The following SEMA3B variants were observed in gnomAD, a reference collection of about 807,000 sequenced individuals.
SEMA3B encodes the protein semaphorin 3B, also known as semaphorin-3B.
Under a neutral mutation model 77.8 loss-of-function variants are expected in SEMA3B, and 71 were observed. That is an observed-to-expected ratio of 0.91 (90% CI 0.75 to 1.11). The LOEUF (loss-of-function observed/expected upper bound fraction) is 1.11, where lower values mean the gene tolerates loss of function less well. SEMA3B is among the 50% of genes most tolerant of loss of function. The pLI is 0.00. For missense variants in SEMA3B, 968 were observed against 1,056.8 expected, an observed-to-expected ratio of 0.92 and a Z score of 1.17; for synonymous variants, 470 against 452.9, an observed-to-expected ratio of 1.04 and a Z score of -0.48.
rs1329886353 is a variant in SEMA3B at position 50,273,285 on chromosome 3, C to G, written c.665-13C>G. The G allele has an allele frequency of 6.2e-7, 1 of 1,611,534 alleles. No individual in the cohort carries two copies. The highest frequency in any genetic ancestry group is 1.3e-5 in the African/African-American group (1 of 75,030). On this transcript the variant is annotated splice_polypyrimidine_tract_variant and intron_variant, in intron 6 of 16. Transcript: ENST00000616701. This position sits in a 1 kb window ranked among gnomAD's most constrained non-coding sequence, Gnocchi z 6.5. ...GCCAGGACCCGCTGACCCATGCCTC[C>G]TGCCGCGGTCAGAGCCCAAGTTTGT...
chr3:50,262,609 G>A (rs1010366435), upstream of SEMA3B: 1 of 152,242 alleles, frequency 6.6e-6, no homozygotes, highest in African/African-American at 2.4e-5. Context: ...CACGGTGATG[G>A]GCACTAATAT....
Position 50,276,624 on chromosome 3 carries a change from C to A in SEMA3B, c.2168C>A (p.Ser723Ter). Residue 723 changes from serine (S) to a stop codon, truncating the protein, a stop_gained, in exon 17 of 17, where the codon TCG (serine) becomes TAG (stop). Transcript: ENST00000616701. LOFTEE classifies it low-confidence loss of function (END_TRUNC). The surrounding 1 kb of genome is among the most constrained non-coding windows in gnomAD (Gnocchi z 5.8). ...GCGCTGCAGTCACTGCCCCTGGAGT[C>A]GCGGAGAAAGGGCCGTAACCGGAGG... ...QPALQSLPLE[S>*]RRKGRNRRTH... The A allele has an allele frequency of 6.3e-7, 1 of 1,592,472 alleles. No individual in the cohort carries two copies. Among genetic ancestry groups the A allele is most frequent in the South Asian group, 1.1e-5 (1 of 88,726 alleles).
Position 50,275,821 on chromosome 3 carries a change from G to C in SEMA3B, c.1822G>C (p.Ala608Pro). 6.2e-7 allele frequency: 1 copy of C among 1,607,558 alleles called. No homozygotes were observed. The highest frequency in any genetic ancestry group is 8.5e-7 in the Non-Finnish European group (1 of 1,178,744). Residue 608 changes from alanine (A) to proline (P), a missense_variant, in exon 16 of 17, where the codon GCA (alanine) becomes CCA (proline). Physicochemically the swap from Ala to Pro is conservative, Grantham distance 27 (BLOSUM62 -1). Transcript: ENST00000616701. The surrounding 1 kb of genome is among the most constrained non-coding windows in gnomAD (Gnocchi z 7.5). ...QARVEWTFQR[A>P]GVTAHTQVLA... ...GCGCGTGGAGTGGACTTTCCAGCGCGCAGGGGTGACAGCCCACACCCAGGT... is the reference window on the plus strand; with the variant it reads ...GCGCGTGGAGTGGACTTTCCAGCGCCCAGGGGTGACAGCCCACACCCAGGT...
Position 50,273,398 on chromosome 3 carries a change from G to A in SEMA3B, c.765G>A (p.Pro255=). The part of the protein sequence containing the change: ...FFRETAVEAA[P]ALGRLSVSRV... ...GTGAGACGGCGGTAGAGGCGGCGCC[G>A]GCACTGGGACGCCTGTCCGTGTCCC... Residue 255 remains proline (P), a synonymous_variant, in exon 7 of 17, where the codon CCG becomes CCA. Coordinates refer to ENST00000616701, the MANE Select transcript of SEMA3B (RefSeq NM_001290060.2). The surrounding 1 kb of genome is among the most constrained non-coding windows in gnomAD (Gnocchi z 6.5). 7 of 1,613,794 alleles carry A rather than the reference G, an allele frequency of 4.3e-6. No individual in the cohort carries two copies. The South Asian group carries it at 4.4e-5, about 10-fold the overall frequency.
Position 50,269,560 on chromosome 3 carries a change from A to G in SEMA3B, c.109+211A>G, listed in dbSNP as rs587717870. ...GCCCACATTCTCTTCGTGCTTTCTC[A>G]GGAAGACCCCTCCTGTCCCCACAGC... On this transcript the variant is annotated intron_variant, in intron 1 of 16. Coordinates refer to ENST00000616701, the MANE Select transcript of SEMA3B (RefSeq NM_001290060.2). The surrounding 1 kb of genome is among the most constrained non-coding windows in gnomAD (Gnocchi z 4.0). 4.6e-5 allele frequency among the ~76,000 whole-genome samples: 7 copies of G among 152,208 alleles called. No homozygotes were observed. In the South Asian group the frequency reaches 1.5e-3, roughly 32 times the overall value.
chr3:50,264,147 CT>C (rs1268774059), upstream of SEMA3B, among the ~76,000 whole-genome samples: 2 of 151,888 alleles, frequency 1.3e-5, no homozygotes, highest in African/African-American at 4.8e-5. Context: ...CAGGTTGAGG[CT>C]GCCATGAGCC....
intron 6 of SEMA3B, 143 bp downstream of exon 6, chr3:50,271,623 G>T: frequency 8.4e-7 from 1 of 1,195,838 alleles, no homozygotes; most frequent in Non-Finnish European, 1.2e-6. Context: ...GCGTCACAGA[G>T]ACAGACAAGA....
Position 50,273,762 on chromosome 3 carries a change from A to T in SEMA3B, c.926A>T (p.Asp309Val), listed in dbSNP as rs907675155. The stretch of plus-strand genomic sequence containing the variant: ...CAGCTAGGCCCCTTCCCCGCAGAGG[A>T]TGTGTTTCTGTTGTCCTCGCGGGAC... ...EGDTHFDQLQ[D>V]VFLLSSRDHR... Residue 309 changes from aspartate (D) to valine (V), a missense_variant, in exon 9 of 17, where the codon GAT (aspartate) becomes GTT (valine). Physicochemically the swap from Asp to Val is radical, Grantham distance 152. Coordinates refer to ENST00000616701, the MANE Select transcript of SEMA3B (RefSeq NM_001290060.2). The surrounding 1 kb of genome is among the most constrained non-coding windows in gnomAD (Gnocchi z 6.5). The T allele has an allele frequency of 6.2e-7, 1 of 1,602,728 alleles. No individual in the cohort carries two copies. The highest frequency in any genetic ancestry group is 8.5e-7 in the Non-Finnish European group (1 of 1,176,934).
Position 50,272,790 on chromosome 3 carries a change from G to C in SEMA3B, c.665-508G>C, listed in dbSNP as rs187985403. Among the ~76,000 whole-genome samples, 52 of 150,870 alleles carry C rather than the reference G, an allele frequency of 3.4e-4. No individual in the cohort carries two copies. In the East Asian group the frequency reaches 8.9e-3, roughly 26 times the overall value. On this transcript the variant is annotated intron_variant, in intron 6 of 16. Coordinates refer to ENST00000616701, the MANE Select transcript of SEMA3B (RefSeq NM_001290060.2). ...ACTTGGGAGGCTGAGGTTGCAGTGA[G>C]CCGAGATCGAGCACTCCAGCCTGGG...
Position 50,270,725 on chromosome 3 carries a change from C to A in SEMA3B, c.331-165C>A. The A allele has an allele frequency of 7.9e-7, 1 of 1,260,208 alleles. No homozygotes were observed. Among genetic ancestry groups the A allele is most frequent in the Non-Finnish European group, 1.1e-6 (1 of 921,356 alleles). 78.1% of individuals were successfully genotyped at this position (1,260,208 alleles called of 1,614,324 possible). ...CTGTGCTTCCCCAGACACCCACCCT[C>A]GTGAGGCCTGGGCTGGTCAGCAAGG... On this transcript the variant is annotated intron_variant, in intron 3 of 16. Coordinates refer to ENST00000616701, the MANE Select transcript of SEMA3B (RefSeq NM_001290060.2). The surrounding 1 kb of genome is among the most constrained non-coding windows in gnomAD (Gnocchi z 4.7).
At position 50,276,039 on chromosome 3, in the gene SEMA3B, T is replaced by G; in HGVS notation, c.1845+195T>G. 1 of 870,008 alleles carries G rather than the reference T, an allele frequency of 1.1e-6. No individual in the cohort carries two copies. The highest frequency in any genetic ancestry group is 1.7e-6 in the Non-Finnish European group (1 of 589,082). 53.9% of individuals were successfully genotyped at this position (870,008 alleles called of 1,614,324 possible). ...GGGCTCCCGACCCGCCTCCCCTGAA[T>G]CAAGGAGAAGACCCGCCCTCGACCC... On this transcript the variant is annotated intron_variant, in intron 16 of 16. Coordinates refer to ENST00000616701, the MANE Select transcript of SEMA3B (RefSeq NM_001290060.2). This position sits in a 1 kb window ranked among gnomAD's most constrained non-coding sequence, Gnocchi z 5.8.
Position 50,276,743 on chromosome 3 carries a change from G to T in SEMA3B, c.*37G>T. On this transcript the variant is annotated 3_prime_UTR_variant, in exon 17 of 17. Coordinates refer to ENST00000616701, the MANE Select transcript of SEMA3B (RefSeq NM_001290060.2). The surrounding 1 kb of genome is among the most constrained non-coding windows in gnomAD (Gnocchi z 5.8). Reference sequence around the variant, plus strand: ...CCACGCCGGGAACCAAGCAGGAGACGACAGGCGAGAGAGGAGCCAGACAGA... The same window carrying T: ...CCACGCCGGGAACCAAGCAGGAGACTACAGGCGAGAGAGGAGCCAGACAGA... The T allele has an allele frequency of 1.4e-6, 2 of 1,449,966 alleles. No individual in the cohort carries two copies. The allele number at this position is 1,449,966 out of a possible 1,614,324, so 89.8% of individuals were successfully genotyped here.
At position 50,273,313 on chromosome 3, in the gene SEMA3B, A is replaced by C; in HGVS notation, c.680A>C (p.Lys227Thr). 6.2e-7 allele frequency: 1 copy of C among 1,613,880 alleles called. No individual in the cohort carries two copies. Among genetic ancestry groups the C allele is most frequent in the Non-Finnish European group, 8.5e-7 (1 of 1,179,818 alleles). The change falls in exon 7 of 17, where the codon AAG (lysine) becomes ACG (threonine). Residue 227 changes from lysine (K) to threonine (T), a missense_variant. Coordinates refer to ENST00000616701, the MANE Select transcript of SEMA3B (RefSeq NM_001290060.2). The surrounding 1 kb of genome is among the most constrained non-coding windows in gnomAD (Gnocchi z 6.5). ...CCGCGGTCAGAGCCCAAGTTTGTCA[A>C]GGTATTTTGGATCCCGGAGAGCGAG... Reference protein sequence around the residue: ...SRWLNEPKFVKVFWIPESENP... With the variant: ...SRWLNEPKFVTVFWIPESENP...
chr3:50,274,603 A>T lies in SEMA3B; in HGVS notation c.1357+21A>T, dbSNP rs1553706154. On this transcript the variant is annotated intron_variant, in intron 11 of 16. Transcript: ENST00000616701. The surrounding 1 kb of genome is among the most constrained non-coding windows in gnomAD (Gnocchi z 4.7). Reference sequence around the variant, plus strand: ...CACAGGTCAGGGTCCCTCCACAGCGACCCCCAGGCTCCCAGCCAGGCCCTG... The same window carrying T: ...CACAGGTCAGGGTCCCTCCACAGCGTCCCCCAGGCTCCCAGCCAGGCCCTG... 6.6e-7 allele frequency: 1 copy of T among 1,513,226 alleles called. No homozygotes were observed. Among genetic ancestry groups the T allele is most frequent in the Admixed American group, 2.2e-5 (1 of 45,342 alleles). 93.7% of individuals were successfully genotyped at this position (1,513,226 alleles called of 1,614,324 possible).
Position 50,276,504 on chromosome 3 carries a change from C to T in SEMA3B, c.2048C>T (p.Pro683Leu). The change falls in exon 17 of 17, where the codon CCG becomes CTG. Residue 683 changes from proline to leucine, a missense_variant. Physicochemically the swap from Pro to Leu is moderately conservative, Grantham distance 98. Coordinates refer to ENST00000616701, the MANE Select transcript of SEMA3B (RefSeq NM_001290060.2). This position sits in a 1 kb window ranked among gnomAD's most constrained non-coding sequence, Gnocchi z 5.8. ...GAGGAGGCTGCGCCCGCCGCGCCGCCGGGCCCCAAACTCTGGTACCGGGAC... is the reference window on the plus strand; with the variant it reads ...GAGGAGGCTGCGCCCGCCGCGCCGCTGGGCCCCAAACTCTGGTACCGGGAC... Reference protein sequence around the residue: ...RAEEAAPAAPPGPKLWYRDFL... With the variant: ...RAEEAAPAAPLGPKLWYRDFL... 2 of 1,531,654 alleles carry T rather than the reference C, an allele frequency of 1.3e-6. No individual in the cohort carries two copies. The highest frequency in any genetic ancestry group is 1.2e-5 in the South Asian group (1 of 83,596). The allele number at this position is 1,531,654 out of a possible 1,614,324, so 94.9% of individuals were successfully genotyped here.
upstream of SEMA3B, among the ~76,000 whole-genome samples, chr3:50,265,784 C>G (rs782162654): frequency 1.3e-5 from 2 of 152,166 alleles, no homozygotes; most frequent in Admixed American, 6.5e-5. Flanking sequence ...GGAGTGCTGA[C>G]CTCCATGGGG....
chr3:50,270,704 G>T lies in SEMA3B; in HGVS notation c.331-186G>T. ...GTCATGGGAGGCTTTGCAGGCCTGT[G>T]CTTCCCCAGACACCCACCCTCGTGA... On this transcript the variant is annotated intron_variant, in intron 3 of 16. Coordinates refer to ENST00000616701, the MANE Select transcript of SEMA3B (RefSeq NM_001290060.2). The surrounding 1 kb of genome is among the most constrained non-coding windows in gnomAD (Gnocchi z 4.7). The T allele has an allele frequency of 3.4e-6, 4 of 1,189,332 alleles. No homozygotes were observed. Among genetic ancestry groups the T allele is most frequent in the Non-Finnish European group, 4.6e-6 (4 of 860,368 alleles). The allele number at this position is 1,189,332 out of a possible 1,614,324, so 73.7% of individuals were successfully genotyped here.
Position 50,269,475 on chromosome 3 carries a change from T to G in SEMA3B, c.109+126T>G, listed in dbSNP as rs1317435869. 1.6e-6 allele frequency: 1 copy of G among 624,828 alleles called. No homozygotes were observed. The highest frequency in any genetic ancestry group is 2.9e-5 in the East Asian group (1 of 34,276). The allele number at this position is 624,828 out of a possible 1,614,324, so 38.7% of individuals were successfully genotyped here. A position where few individuals can be genotyped will look rare whatever the true frequency, so the allele number is the denominator to read the frequency against. ...GCCTGTCACCAGACTCTGGTAGGAT[T>G]AGTGGGCACTCTCAGGCCACCTCCA... On this transcript the variant is annotated intron_variant, in intron 1 of 16. Transcript: ENST00000616701. The surrounding 1 kb of genome is among the most constrained non-coding windows in gnomAD (Gnocchi z 4.0).
chr3:50,269,133 T>G, upstream of SEMA3B: 1 of 790,768 alleles, frequency 1.3e-6, no homozygotes, highest in Non-Finnish European at 2.1e-6. The surrounding 1 kb of genome is among the most constrained non-coding windows in gnomAD (Gnocchi z 4.0). Context: ...CCTCCCGCCC[T>G]CGCCCTCACT....
Sources: gnomAD v4.1 joint callset for allele counts (sites outside exome capture counted in the v4.1 genomes callset) on GRCh38, gnomAD v4.1.1 for gene constraint, Gnocchi (gnomAD v3.1) non-coding constraint, MANE v1.5 for transcripts, NCBI Gene and HGNC (gene_info 2026-07-23, HGNC 2026-07-21) for gene names.